The following MCUR1 variants were observed in gnomAD, a reference collection of about 807,000 sequenced individuals.
The protein encoded by MCUR1 is MCU regulator 1.
Under a neutral mutation model 42.0 loss-of-function variants are expected in MCUR1, and 37 were observed. The observed-to-expected ratio is 0.88, with a 90% CI of 0.68 to 1.16. MCUR1 has a LOEUF of 1.16. Ranked by LOEUF, MCUR1 falls within the 50% of genes most tolerant of loss-of-function variation. The pLI, the probability that MCUR1 is intolerant of heterozygous loss-of-function variation, is 0.00. For missense variants in MCUR1, 469 were observed against 468.4 expected (o/e 1.00, Z -0.01); for synonymous variants, 229 against 196.2 (o/e 1.17, Z -1.40).
In MCUR1 at chr6:13,787,604, A is replaced by C. The variant is rs1451646054; in HGVS notation, c.*3205T>G. The C allele has an allele frequency of 6.6e-6, 1 of 152,074 alleles. No homozygotes were observed. The highest frequency in any genetic ancestry group is 6.6e-5 in the Admixed American group (1 of 15,256). The allele number at this position is 152,074 out of a possible 1,614,324, so 9.4% of individuals were successfully genotyped here. On this transcript the variant is annotated 3_prime_UTR_variant, in exon 9 of 9. Transcript: ENST00000379170. ...AATGCAGAGAAGCCCTCCAAGAATG[A>C]TGAGTGATTCGTGCAGGAGAGGGAA...
At position 13,799,080 on chromosome 6, in the gene MCUR1, A is replaced by T. The variant is rs532679548; in HGVS notation, c.784-176T>A. 3.5e-4 allele frequency among the ~76,000 whole-genome samples: 54 copies of T among 152,324 alleles called. 1 individual carries two copies. The South Asian group carries it at 0.011, about 31-fold the overall frequency. ...GGACCTAGGCCTCCTGGCATCAGGGAACTCTGGCCAAGCCACATCTGGAGG... is the reference window on the plus strand; with the variant it reads ...GGACCTAGGCCTCCTGGCATCAGGGTACTCTGGCCAAGCCACATCTGGAGG... On this transcript the variant is annotated intron_variant, in intron 5 of 8. Coordinates refer to ENST00000379170, the MANE Select transcript of MCUR1 (RefSeq NM_001031713.4).
At chr6:13,802,150 G>C in intron 3 of MCUR1, 93 bp downstream of exon 3, 1 of 898,612 alleles carries the variant, frequency 1.1e-6, no homozygotes, top group South Asian at 1.7e-5. Flanking sequence ...ACTTTTCAAC[G>C]GGGTATTATC....
Position 13,806,958 on chromosome 6 carries a change from T to G in MCUR1, c.502A>C (p.Thr168Pro), listed in dbSNP as rs768822451. Residue 168 changes from threonine (T) to proline (P), a missense_variant, in exon 2 of 9, where the codon ACT becomes CCT. Coordinates refer to ENST00000379170, the MANE Select transcript of MCUR1 (RefSeq NM_001031713.4). ...SSGSRKLYFDTHALVCLLEDN... is the reference protein window; with the variant it reads ...SSGSRKLYFDPHALVCLLEDN... ...TCCAGTAAGCACACTAAGGCATGAG[T>G]GTCGAAGTAGAGTTTCCTGCTCCCA... 6.2e-7 allele frequency: 1 copy of G among 1,613,140 alleles called. No individual in the cohort carries two copies. The highest frequency in any genetic ancestry group is 8.5e-7 in the Non-Finnish European group (1 of 1,179,358).
chr6:13,788,661 T>A lies in MCUR1; in HGVS notation c.*2148A>T, dbSNP rs1200150956. On this transcript the variant is annotated 3_prime_UTR_variant, in exon 9 of 9. Coordinates refer to ENST00000379170, the MANE Select transcript of MCUR1 (RefSeq NM_001031713.4). ...TGCCACTCACCTAGGCCTTTAATAA[T>A]GAGGGCAATTGCTAAGTGTGCTGTC... 1 of 152,194 alleles carries A rather than the reference T, an allele frequency of 6.6e-6. No individual in the cohort carries two copies. Among genetic ancestry groups the A allele is most frequent in the Admixed American group, 6.5e-5 (1 of 15,278 alleles). 9.4% of individuals were successfully genotyped at this position (152,194 alleles called of 1,614,324 possible).
chr6:13,798,895 T>C lies in MCUR1; in HGVS notation c.793A>G (p.Ile265Val). ...QLKQQVMDEV[I>V]KVRTDTKLDF... is the part of the protein sequence containing the mutation. ...AATTTGGTATCTGTTCGGACTTTGA[T>C]CACTTCATCCTAAAAGGAGGGCAAA... The change falls in exon 6 of 9, where the codon ATC becomes GTC. Residue 265 changes from isoleucine to valine, a missense_variant. By Grantham distance (29) the Ile-to-Val change is conservative (BLOSUM62 3). Coordinates refer to ENST00000379170, the MANE Select transcript of MCUR1 (RefSeq NM_001031713.4). 6.3e-7 allele frequency: 1 copy of C among 1,594,892 alleles called. No individual in the cohort carries two copies. The highest frequency in any genetic ancestry group is 8.6e-7 in the Non-Finnish European group (1 of 1,163,332).
chr6:13,804,883 C>T (rs1760083735), intron 2 of MCUR1, among the ~76,000 whole-genome samples: 1 of 149,876 alleles, frequency 6.7e-6, no homozygotes, highest in South Asian at 2.1e-4. Flanking sequence ...GGGAATAGGA[C>T]AGAACCAGGG....
At chr6:13,807,897 T>C (rs576702508) in intron 1 of MCUR1, among the ~76,000 whole-genome samples, 1 of 152,358 alleles carries the variant, frequency 6.6e-6, no homozygotes, top group South Asian at 2.1e-4. Context: ...TGAGCATTTT[T>C]TATGGGCTTG....
At chr6:13,811,621 C>CT (rs1409029861) in intron 1 of MCUR1, among the ~76,000 whole-genome samples, 1 of 152,084 alleles carries the variant, frequency 6.6e-6, no homozygotes, top group Non-Finnish European at 1.5e-5. Context: ...AGGGGACCTC[C>CT]TAAGGACCAC....
intron 1 of MCUR1, among the ~76,000 whole-genome samples, chr6:13,809,125 G>A (rs527469028): frequency 6.6e-6 from 1 of 152,254 alleles, no homozygotes; most frequent in South Asian, 2.1e-4. Context: ...TTTAGGATCT[G>A]TGTGTCAATT....
rs776474415 is a variant in MCUR1 at position 13,814,466 on chromosome 6, C to T, written c.-37G>A. ...TCACTGGCCCGGGCGCGCGCTCATG[C>T]CTCTCGCTTTTGGCGCCGGCCACGC... On this transcript the variant is annotated 5_prime_UTR_variant, in exon 1 of 9. Coordinates refer to ENST00000379170, the MANE Select transcript of MCUR1 (RefSeq NM_001031713.4). The T allele has an allele frequency of 2.8e-6, 4 of 1,450,758 alleles. No individual in the cohort carries two copies. The highest frequency in any genetic ancestry group is 1.8e-6 in the Non-Finnish European group (2 of 1,111,800). The allele number at this position is 1,450,758 out of a possible 1,614,324, so 89.9% of individuals were successfully genotyped here. A position where few individuals can be genotyped will look rare whatever the true frequency, so the allele number is the denominator to read the frequency against.
Position 13,786,809 on chromosome 6 carries a change from AAAGTT to A in MCUR1, c.*3995_*3999del, listed in dbSNP as rs1333499969. Reference sequence around the variant, plus strand: ...AATTGATATTTGCTTAAGTAACAAAAAAGTTAAGAAATTGGGTTATAAGCAAAGGA... The same window carrying A: ...AATTGATATTTGCTTAAGTAACAAAAAAGAAATTGGGTTATAAGCAAAGGA... On this transcript the variant is annotated 3_prime_UTR_variant, in exon 9 of 9. Transcript: ENST00000379170. 2.0e-5 allele frequency: 3 copies of A among 152,226 alleles called. No individual in the cohort carries two copies. The highest frequency in any genetic ancestry group is 4.4e-5 in the Non-Finnish European group (3 of 68,038). 9.4% of individuals were successfully genotyped at this position (152,226 alleles called of 1,614,324 possible).
At position 13,800,345 on chromosome 6, in the gene MCUR1, A is replaced by G; in HGVS notation, c.779T>C (p.Val260Ala). 6.4e-7 allele frequency: 1 copy of G among 1,573,248 alleles called. No individual in the cohort carries two copies. The change falls in exon 5 of 9, where the codon GTA becomes GCA. Residue 260 changes from valine to alanine, a missense_variant. Coordinates refer to ENST00000379170, the MANE Select transcript of MCUR1 (RefSeq NM_001031713.4). ...KLELHQLKQQ[V>A]MDEVIKVRTD... ...AAACAGGAAAGTGAATCTTACCATT[A>G]CTTGTTGTTTTAACTGATGTAGTTC... is the stretch of plus-strand genomic sequence containing the variant.
Position 13,800,352 on chromosome 6 carries a change from G to A in MCUR1, c.772C>T (p.Gln258Ter), listed in dbSNP as rs1181493821. ...KIKLELHQLK[Q>*]QVMDEVIKVR... is the part of the protein sequence containing the mutation. ...AAAGTGAATCTTACCATTACTTGTTGTTTTAACTGATGTAGTTCGAGTTTT... is the reference window on the plus strand; with the variant it reads ...AAAGTGAATCTTACCATTACTTGTTATTTTAACTGATGTAGTTCGAGTTTT... The change falls in exon 5 of 9, where the codon CAA (glutamine) becomes TAA (stop). Residue 258 changes from glutamine (Q) to a stop codon, truncating the protein, a stop_gained. Transcript: ENST00000379170. LOFTEE classifies it high-confidence loss of function. 3 of 1,574,466 alleles carry A rather than the reference G, an allele frequency of 1.9e-6. No individual in the cohort carries two copies. Among genetic ancestry groups the A allele is most frequent in the African/African-American group, 2.7e-5 (2 of 73,370 alleles).
Position 13,788,364 on chromosome 6 carries a change from G to A in MCUR1, c.*2445C>T, listed in dbSNP as rs1049658485. On this transcript the variant is annotated 3_prime_UTR_variant, in exon 9 of 9. Transcript: ENST00000379170. ...CATGCAATCCACACCATCAAAAGAA[G>A]AGTTCACTGTTCCCAAGGCCAAGAA... The A allele has an allele frequency of 6.6e-6, 1 of 152,226 alleles. No homozygotes were observed. Among genetic ancestry groups the A allele is most frequent in the African/African-American group, 2.4e-5 (1 of 41,426 alleles). The allele number at this position is 152,226 out of a possible 1,614,324, so 9.4% of individuals were successfully genotyped here.
intron 8 of MCUR1, among the ~76,000 whole-genome samples, chr6:13,791,305 T>C (rs1561728269): frequency 2.0e-5 from 3 of 152,226 alleles, no homozygotes; most frequent in South Asian, 4.1e-4. Context: ...ACAAGGTCTA[T>C]GTATATGCAC....
intron 6 of MCUR1, among the ~76,000 whole-genome samples, chr6:13,796,289 TTC>T (rs1491331322): frequency 7.0e-6 from 1 of 141,872 alleles, no homozygotes; most frequent in African/African-American, 3.1e-5. Context: ...TTTTTTTCTT[TTC>T]TTTTTTTTTT....
intron 1 of MCUR1, among the ~76,000 whole-genome samples, chr6:13,809,099 G>C (rs1231049354): frequency 2.0e-5 from 3 of 152,018 alleles, no homozygotes; most frequent in African/African-American, 7.3e-5. Context: ...TTGTTTTCTT[G>C]TATTTCCCTA....
intron 6 of MCUR1, among the ~76,000 whole-genome samples, chr6:13,795,123 GAA>G (rs56398119): frequency 0.039 from 3,985 of 102,926 alleles, 157 homozygotes; most frequent in African/African-American, 0.13. Context: ...CTTAGAAGTA[GAA>G]AAAAAAAAAA....
intron 5 of MCUR1, 99 bp downstream of exon 5, chr6:13,800,242 A>G: frequency 2.5e-6 from 2 of 807,690 alleles, no homozygotes; most frequent in Non-Finnish European, 3.9e-6. Context: ...AACATTTCAC[A>G]AAGAATTAAG....
Sources: allele counts gnomAD v4.1 joint callset (sites outside exome capture counted in the v4.1 genomes callset), GRCh38; gene constraint gnomAD v4.1.1; transcripts MANE v1.5; gene names NCBI Gene and HGNC (gene_info 2026-07-23, HGNC 2026-07-21).